RAD51B: variants seen among roughly 807,000 people sequenced by gnomAD.
RAD51B encodes RAD51 paralog B.
Under a neutral mutation model 42.2 loss-of-function variants are expected in RAD51B, and 38 were observed. The observed-to-expected ratio is 0.90, with a 90% CI of 0.70 to 1.18. RAD51B has a LOEUF of 1.18. Among genes scored for constraint, RAD51B ranks in the 50% most tolerant of loss-of-function variants. The pLI, the probability that RAD51B is intolerant of heterozygous loss-of-function variation, is 0.00. For missense variants in RAD51B, 373 were observed against 400.7 expected (o/e 0.93, Z 0.59); for synonymous variants, 154 against 145.2 (o/e 1.06, Z -0.43).
chr14:68,215,272 AGG>A (rs1232864907), intron 7 of RAD51B, among the ~76,000 whole-genome samples: 4 of 152,198 alleles, frequency 2.6e-5, no homozygotes, highest in African/African-American at 9.6e-5. Flanking sequence ...TAATATTTGA[AGG>A]TTGTTTTCAT....
intron 7 of RAD51B, among the ~76,000 whole-genome samples, chr14:68,224,534 T>A (rs1391272669): frequency 3.3e-5 from 5 of 152,212 alleles, no homozygotes; most frequent in Admixed American, 6.5e-5. Context: ...ATTATTATGA[T>A]CTATTCATAT....
intron 8 of RAD51B, among the ~76,000 whole-genome samples, chr14:68,329,071 T>C (rs969145934): frequency 1.3e-5 from 2 of 152,178 alleles, no homozygotes; most frequent in East Asian, 1.9e-4. Flanking sequence ...TGCAGTGGCA[T>C]GATCATAGCA....
At chr14:68,519,698 G>A (rs1375409486) in intron 10 of RAD51B, among the ~76,000 whole-genome samples, 1 of 152,200 alleles carries the variant, frequency 6.6e-6, no homozygotes, top group African/African-American at 2.4e-5. Flanking sequence ...GAAAGTCACC[G>A]TCATTTGCAC....
intron 7 of RAD51B, among the ~76,000 whole-genome samples, chr14:68,173,718 C>G (rs868190218): frequency 2.6e-5 from 4 of 152,158 alleles, no homozygotes; most frequent in African/African-American, 9.7e-5. Context: ...TAGGGAGTAC[C>G]CATGTTCCTG....
chr14:67,974,554 A>T (rs931927287), intron 7 of RAD51B, among the ~76,000 whole-genome samples: 1 of 152,110 alleles, frequency 6.6e-6, no homozygotes, highest in Non-Finnish European at 1.5e-5. Flanking sequence ...AATAAATTCA[A>T]AGCTTTTTCT....
At chr14:68,253,771 T>A (rs2080692482) in intron 7 of RAD51B, among the ~76,000 whole-genome samples, 1 of 152,234 alleles carries the variant, frequency 6.6e-6, no homozygotes, top group African/African-American at 2.4e-5. Flanking sequence ...TGATAGGAAG[T>A]TGAGGCACAG....
intron 7 of RAD51B, among the ~76,000 whole-genome samples, chr14:68,075,693 C>A (rs1275812716): frequency 6.6e-6 from 1 of 152,092 alleles, no homozygotes; most frequent in Non-Finnish European, 1.5e-5. Flanking sequence ...AGAGCCATTG[C>A]CAGTGGGAAT....
In RAD51B at chr14:67,855,632, A is replaced by C. The variant is rs543666320; in HGVS notation, c.316-9371A>C. ...AGGGGTTGTAAACTCAAATGCCTAT[A>C]AGCACGAGCCATGTAACAGAAGTAC... On this transcript the variant is annotated intron_variant, in intron 4 of 10. Transcript: ENST00000471583. Among the ~76,000 whole-genome samples the C allele has an allele frequency of 5.3e-5, 8 of 152,348 alleles. No individual in the cohort carries two copies. In the South Asian group the frequency reaches 1.2e-3, roughly 24 times the overall value.
At chr14:68,413,919 G>GT (rs1373356975) in intron 9 of RAD51B, among the ~76,000 whole-genome samples, 3 of 104,202 alleles carry the variant, frequency 2.9e-5, no homozygotes, top group African/African-American at 7.5e-5. Flanking sequence ...AACAGGTATA[G>GT]TTTTTTGTTT....
intron 7 of RAD51B, among the ~76,000 whole-genome samples, chr14:68,168,669 G>T (rs917290265): frequency 1.3e-5 from 2 of 152,138 alleles, no homozygotes; most frequent in South Asian, 2.1e-4. Flanking sequence ...TGATAAAGAG[G>T]TCTATAAATC....
chr14:67,848,310 C>A (rs2139934455), intron 4 of RAD51B, among the ~76,000 whole-genome samples: 1 of 152,340 alleles, frequency 6.6e-6, no homozygotes, highest in African/African-American at 2.4e-5. Flanking sequence ...AGCCACCACG[C>A]CTGGCTGGAT....
At chr14:67,867,150 A>G (rs563414525) in intron 5 of RAD51B, among the ~76,000 whole-genome samples, 4 of 152,288 alleles carry the variant, frequency 2.6e-5, no homozygotes, top group African/African-American at 7.2e-5. Context: ...CTAGTTTGTC[A>G]TGGTGGGTCA....
chr14:67,969,121 A>G (rs1300339042), intron 7 of RAD51B, among the ~76,000 whole-genome samples: 1 of 152,218 alleles, frequency 6.6e-6, no homozygotes, highest in Non-Finnish European at 1.5e-5. Context: ...AACTGCCCCC[A>G]TGATTCAAAC....
chr14:67,914,364 A>T (rs1304184936), intron 7 of RAD51B, among the ~76,000 whole-genome samples: 2 of 152,108 alleles, frequency 1.3e-5, no homozygotes, highest in Non-Finnish European at 2.9e-5. Context: ...TTTACACAAC[A>T]CAGTGACCTT....
chr14:68,268,656 G>T (rs1277686342), intron 7 of RAD51B, among the ~76,000 whole-genome samples: 1 of 152,186 alleles, frequency 6.6e-6, no homozygotes. Context: ...CTACATATAT[G>T]TGAAGATAGC....
intron 7 of RAD51B, among the ~76,000 whole-genome samples, chr14:68,229,654 T>G (rs1192907855): frequency 6.6e-6 from 1 of 152,148 alleles, no homozygotes; most frequent in African/African-American, 2.4e-5. Flanking sequence ...TAGACTCTGG[T>G]CTCCAGGCCT....
intron 7 of RAD51B, among the ~76,000 whole-genome samples, chr14:67,997,352 C>A (rs1223264876): frequency 6.6e-6 from 1 of 152,024 alleles, no homozygotes; most frequent in Non-Finnish European, 1.5e-5. Context: ...GAAGAAGCAA[C>A]CAATGAGATA....
chr14:68,142,655 C>T (rs918205195), intron 7 of RAD51B, among the ~76,000 whole-genome samples: 4 of 152,008 alleles, frequency 2.6e-5, no homozygotes, highest in Admixed American at 6.6e-5. Flanking sequence ...GCAGCATGAT[C>T]GTCATGATTT....
chr14:68,291,425 C>G (rs1267256505), intron 7 of RAD51B, among the ~76,000 whole-genome samples: 1 of 151,930 alleles, frequency 6.6e-6, no homozygotes, highest in Non-Finnish European at 1.5e-5. Context: ...TGGTCTCAAA[C>G]TCCTGACCTT....
Sources: allele counts gnomAD v4.1 joint callset (sites outside exome capture counted in the v4.1 genomes callset), GRCh38; gene constraint gnomAD v4.1.1; transcripts MANE v1.5; gene names NCBI Gene and HGNC (gene_info 2026-07-23, HGNC 2026-07-21).